PIP5K1C: variants seen among roughly 807,000 people sequenced by gnomAD.
The protein encoded by PIP5K1C is phosphatidylinositol 4-phosphate 5-kinase type-1 gamma.
A neutral mutation model predicts 80.1 loss-of-function variants in PIP5K1C; 45 were observed. That is an observed-to-expected ratio of 0.56 (90% confidence interval 0.44 to 0.72). The LOEUF (loss-of-function observed/expected upper bound fraction) is 0.72. Ranked by LOEUF, PIP5K1C falls within the 30% of genes least tolerant of loss-of-function variation. The pLI is 0.00. For missense variants in PIP5K1C, 753 were observed against 954.6 expected, an observed-to-expected ratio of 0.79 and a Z score of 2.78; for synonymous variants, 498 against 420.1, an observed-to-expected ratio of 1.19 and a Z score of -2.27.
Position 3,661,920 on chromosome 19 carries a change from C to T in PIP5K1C, c.301G>A (p.Asp101Asn), listed in dbSNP as rs2034844784. 8.1e-6 allele frequency: 13 copies of T among 1,612,826 alleles called. No homozygotes were observed. The highest frequency in any genetic ancestry group is 1.1e-5 in the Non-Finnish European group (13 of 1,179,946). The change falls in exon 4 of 18, where the codon GAC becomes AAC. Residue 101 changes from aspartate to asparagine, a missense_variant. Around this residue, in one of 6 missense-constraint regions of PIP5K1C, gnomAD observed 139 missense variants for 289.7 expected, o/e 0.48. Transcript: ENST00000335312. ...ACGTAGAAGTCCTGCATGAGCACGT[C>T]GCGTTCGGGCTTGGAGCTCAGGTGG... ...VGHLSSKPER[D>N]VLMQDFYVVE...
intron 16 of PIP5K1C, among the ~76,000 whole-genome samples, chr19:3,635,921 A>T (rs1397691641): frequency 6.6e-6 from 1 of 152,194 alleles, no homozygotes; most frequent in Admixed American, 6.5e-5. Flanking sequence ...CGGAACTTGC[A>T]GCGAGCCGAG....
chr19:3,677,750 G>GGAT (rs201114090), intron 1 of PIP5K1C, among the ~76,000 whole-genome samples: 1 of 120,400 alleles, frequency 8.3e-6, no homozygotes, highest in African/African-American at 3.4e-5. Context: ...GTGGGATGGA[G>GGAT]GGAGGGATGG....
Position 3,652,010 on chromosome 19 carries a change from T to C in PIP5K1C, c.943A>G (p.Met315Val). ...DCLVLESFKI[M>V]DYSLLLGVHN... ...ACGCCCAGCAGCAGGCTGTAGTCCA[T>C]GATCTTGAAACTTTCCAGGACCTGG... Residue 315 changes from methionine to valine, a missense_variant, in exon 8 of 18, where the codon ATG becomes GTG. Physicochemically the swap from Met to Val is conservative, Grantham distance 21 (BLOSUM62 1). Transcript: ENST00000335312. 2 of 1,613,198 alleles carry C rather than the reference T, an allele frequency of 1.2e-6. No homozygotes were observed. The highest frequency in any genetic ancestry group is 1.1e-5 in the South Asian group (1 of 91,088).
intron 3 of PIP5K1C, among the ~76,000 whole-genome samples, chr19:3,663,789 G>T (rs926490839): frequency 6.6e-6 from 1 of 152,318 alleles, no homozygotes; most frequent in South Asian, 2.1e-4. Flanking sequence ...TGTGAAAACG[G>T]TACCGCTGCT....
chr19:3,631,038 A>G lies in PIP5K1C; in HGVS notation c.*2129T>C, dbSNP rs4807493. ...AACCAACACCAAGTATATCTCCAAA[A>G]GGGCCTTGGAGACAACACAAGAATG... On this transcript the variant is annotated 3_prime_UTR_variant, in exon 18 of 18. Transcript: ENST00000335312. The G allele has an allele frequency of 0.84, 128,052 of 152,344 alleles. 54,174 individuals are homozygous for G. The highest frequency in any genetic ancestry group is 0.93 in the African/African-American group (38,785 of 41,594). 9.4% of individuals were successfully genotyped at this position (152,344 alleles called of 1,614,324 possible).
intron 1 of PIP5K1C, among the ~76,000 whole-genome samples, chr19:3,694,169 G>A (rs1048539441): frequency 2.0e-4 from 29 of 144,772 alleles, no homozygotes; most frequent in Admixed American, 9.3e-4. Context: ...CCGAGAACGC[G>A]CCACTGCACT....
intron 16 of PIP5K1C, among the ~76,000 whole-genome samples, chr19:3,635,806 C>T (rs921475717): frequency 4.6e-5 from 7 of 152,116 alleles, no homozygotes; most frequent in Non-Finnish European, 7.3e-5. Context: ...GGTGAAACCT[C>T]GTCTCTACTA....
chr19:3,673,133 C>T (rs2035263311), intron 1 of PIP5K1C, among the ~76,000 whole-genome samples: 1 of 152,020 alleles, frequency 6.6e-6, no homozygotes, highest in South Asian at 2.1e-4. Flanking sequence ...CCTCCCTGCC[C>T]TCTGCTCCTC....
intron 1 of PIP5K1C, among the ~76,000 whole-genome samples, chr19:3,671,529 A>G (rs941030633): frequency 2.6e-5 from 4 of 152,198 alleles, no homozygotes; most frequent in African/African-American, 9.7e-5. Context: ...ACGTCCCTGC[A>G]CTGGGGGCCT....
At position 3,646,073 on chromosome 19, in the gene PIP5K1C, G is replaced by T. The variant is rs45455692; in HGVS notation, c.1261-15C>A. The T allele has an allele frequency of 0.011, 17,628 of 1,585,550 alleles. 135 individuals are homozygous for T. Among genetic ancestry groups the T allele is most frequent in the Middle Eastern group, 0.018 (106 of 6,010 alleles). On this transcript the variant is annotated splice_polypyrimidine_tract_variant and intron_variant, in intron 10 of 17. Transcript: ENST00000335312. The stretch of plus-strand genomic sequence containing the variant: ...GACACCGTGTCCTGGAAGAGAGTTG[G>T]GGGGGGTGCCCGGGGGCAGAGGGTG...
chr19:3,696,388 G>A lies in PIP5K1C; in HGVS notation c.94+3909C>T, dbSNP rs573455154. Among the ~76,000 whole-genome samples the A allele has an allele frequency of 1.3e-4, 20 of 152,340 alleles. 1 individual carries two copies. In the East Asian group the frequency reaches 3.5e-3, roughly 26 times the overall value. On this transcript the variant is annotated intron_variant, in intron 1 of 17. Transcript: ENST00000335312. The surrounding 1 kb of genome is among the most constrained non-coding windows in gnomAD (Gnocchi z 4.1). Reference sequence around the variant, plus strand: ...TGGAGCTCTCGCTCAGGAGGAGATGGTCAGAAAACACGTCAGCAGAGCCAT... The same window carrying A: ...TGGAGCTCTCGCTCAGGAGGAGATGATCAGAAAACACGTCAGCAGAGCCAT...
chr19:3,684,409 A>C (rs1478005463), intron 1 of PIP5K1C, among the ~76,000 whole-genome samples: 1 of 152,162 alleles, frequency 6.6e-6, no homozygotes, highest in African/African-American at 2.4e-5. Context: ...GGCGGGTCTC[A>C]AGCCCTGCTT....
chr19:3,646,541 G>A (rs1400115642), intron 10 of PIP5K1C, among the ~76,000 whole-genome samples: 1 of 152,160 alleles, frequency 6.6e-6, no homozygotes, highest in Non-Finnish European at 1.5e-5. Context: ...GGCCACTCTG[G>A]GCCAGGGGAC....
intron 1 of PIP5K1C, among the ~76,000 whole-genome samples, chr19:3,667,637 C>T (rs2035057379): frequency 6.6e-6 from 1 of 152,218 alleles, no homozygotes; most frequent in African/African-American, 2.4e-5. Context: ...CAGCTGGTGA[C>T]GCCTAGGCTT....
At position 3,700,402 on chromosome 19, in the gene PIP5K1C, G is replaced by C; in HGVS notation, c.-12C>G. ...ACCTCCAGCTCCATGGCCGCGCGCG[G>C]ACGGCGGCGGGGGCGCCCGAGGGGG... On this transcript the variant is annotated 5_prime_UTR_variant, in exon 1 of 18. Transcript: ENST00000335312. 1 of 1,113,818 alleles carries C rather than the reference G, an allele frequency of 9.0e-7. No individual in the cohort carries two copies. The allele number at this position is 1,113,818 out of a possible 1,614,324, so 69.0% of individuals were successfully genotyped here.
Position 3,637,660 on chromosome 19 carries a change from GA to G in PIP5K1C, c.1920+1223del. 1 of 1,512,240 alleles carries G rather than the reference GA, an allele frequency of 6.6e-7. No homozygotes were observed. The highest frequency in any genetic ancestry group is 8.8e-7 in the Non-Finnish European group (1 of 1,133,556). The allele number at this position is 1,512,240 out of a possible 1,614,324, so 93.7% of individuals were successfully genotyped here. A position where few individuals can be genotyped will look rare whatever the true frequency, so the allele number is the denominator to read the frequency against. The stretch of plus-strand genomic sequence containing the variant: ...GGCCGGAGGAGGAAGGAAAACAGAG[GA>G]CAGCGGATGAGGCGGCCACCCCCGT... On this transcript the variant is annotated intron_variant, in intron 16 of 17. Coordinates refer to ENST00000335312, the MANE Select transcript of PIP5K1C (RefSeq NM_012398.3). The surrounding 1 kb of genome is among the most constrained non-coding windows in gnomAD (Gnocchi z 7.0).
At chr19:3,633,907 CGGGCACCAGCGCACA>C (rs906794593) in intron 16 of PIP5K1C, among the ~76,000 whole-genome samples, 12 of 152,300 alleles carry the variant, frequency 7.9e-5, no homozygotes, top group African/African-American at 2.4e-4. Context: ...GCCTGTGCCA[CGGGCACCAGCGCACA>C]GGCTCCTGGA....
At chr19:3,668,184 A>G (rs56002612) in intron 1 of PIP5K1C, among the ~76,000 whole-genome samples, 31,423 of 151,810 alleles carry the variant, frequency 0.21, 3,631 homozygotes, top group African/African-American at 0.3. Context: ...TCCTCCATGC[A>G]AGGAGGCTGG....
chr19:3,643,401 G>T lies in PIP5K1C; in HGVS notation c.1511-20C>A, dbSNP rs913385946. On this transcript the variant is annotated intron_variant, in intron 12 of 17. Coordinates refer to ENST00000335312, the MANE Select transcript of PIP5K1C (RefSeq NM_012398.3). ...GCCGGCCTGAGGGGAGAGGACTGTG[G>T]GCACCTTGCGGAGCCTCCGAGCCCC... is the stretch of plus-strand genomic sequence containing the variant. 1.2e-6 allele frequency: 2 copies of T among 1,612,558 alleles called. No homozygotes were observed. Among genetic ancestry groups the T allele is most frequent in the Non-Finnish European group, 1.7e-6 (2 of 1,179,804 alleles).
Sources: gnomAD v4.1 joint callset for allele counts (sites outside exome capture counted in the v4.1 genomes callset) on GRCh38, gnomAD v4.1.1 for gene constraint, gnomAD v4.1.1 regional missense constraint, Gnocchi (gnomAD v3.1) non-coding constraint, MANE v1.5 for transcripts, NCBI Gene and HGNC (gene_info 2026-07-23, HGNC 2026-07-21) for gene names.